The following PRKCQ variants were observed in gnomAD, a reference collection of about 807,000 sequenced individuals.
The protein encoded by PRKCQ is protein kinase C theta type.
A neutral mutation model predicts 91.2 loss-of-function variants in PRKCQ; 41 were observed. The observed-to-expected ratio is 0.45, with a 90% CI of 0.35 to 0.58. PRKCQ has a LOEUF of 0.58. PRKCQ is among the 20% of genes least tolerant of loss of function. The pLI is 0.00. For synonymous variants in PRKCQ, 307 were observed against 316.9 expected, an observed-to-expected ratio of 0.97 and a Z score of 0.33; for missense variants, 673 against 896.5, an observed-to-expected ratio of 0.75 and a Z score of 3.18.
chr10:6,511,314 G>A, intron 2 of PRKCQ, 120 bp from the exon 3 acceptor site: 3 of 904,522 alleles, frequency 3.3e-6, no homozygotes, highest in Non-Finnish European at 5.2e-6. Context: ...CTGTTGGGAA[G>A]ACAAAAGTAG....
intron 1 of PRKCQ, among the ~76,000 whole-genome samples, chr10:6,564,183 C>G (rs1840745089): frequency 6.6e-6 from 1 of 152,144 alleles, no homozygotes. Context: ...TATGGAGTAA[C>G]CAAAGAGCTT....
the PRKCQ span, among the ~76,000 whole-genome samples, chr10:6,411,617 A>G: frequency 6.6e-5 from 10 of 152,222 alleles, no homozygotes; most frequent in Non-Finnish European, 8.8e-5. Context: ...TCATTGGGAC[A>G]CCCATTTGTT....
At chr10:6,426,734 T>C (rs1833133334), downstream of PRKCQ, among the ~76,000 whole-genome samples, 1 of 152,226 alleles carries the variant, frequency 6.6e-6, no homozygotes, top group Admixed American at 6.5e-5. Context: ...TCTAAAGTTA[T>C]TTCCAGCCAT....
intron 4 of PRKCQ, among the ~76,000 whole-genome samples, chr10:6,505,303 C>T (rs1838132476): frequency 6.6e-6 from 1 of 152,158 alleles, no homozygotes; most frequent in African/African-American, 2.4e-5. Context: ...ATTTAAGTTC[C>T]ACAGGAATAG....
At chr10:6,512,721 G>A (rs571350510) in intron 2 of PRKCQ, among the ~76,000 whole-genome samples, 2 of 152,200 alleles carry the variant, frequency 1.3e-5, no homozygotes, top group Non-Finnish European at 2.9e-5. Context: ...AAACAGAGCA[G>A]ACATTTAGCA....
chr10:6,518,066 G>C (rs763533916), intron 1 of PRKCQ, among the ~76,000 whole-genome samples: 1 of 152,340 alleles, frequency 6.6e-6, no homozygotes, highest in South Asian at 2.1e-4. Context: ...GGAGCAGCAT[G>C]AGCAAATTTT....
At chr10:6,438,824 G>A (rs1833823463) in intron 16 of PRKCQ, among the ~76,000 whole-genome samples, 1 of 151,998 alleles carries the variant, frequency 6.6e-6, no homozygotes, top group Non-Finnish European at 1.5e-5. Context: ...TTGAATTTCG[G>A]GCTGCTCAAG....
intron 8 of PRKCQ, among the ~76,000 whole-genome samples, chr10:6,486,991 G>GA (rs888876070): frequency 5.3e-5 from 8 of 151,158 alleles, no homozygotes; most frequent in African/African-American, 7.3e-5. Context: ...CCTCAGCTTT[G>GA]AAAAAAAAAT....
At chr10:6,514,425 G>T (rs561328454) in intron 2 of PRKCQ, among the ~76,000 whole-genome samples, 1 of 151,978 alleles carries the variant, frequency 6.6e-6, no homozygotes, top group East Asian at 1.9e-4. Context: ...CAGGACGTTG[G>T]GTGGCTGTCC....
Position 6,456,712 on chromosome 10 carries a change from T to C in PRKCQ, c.1609A>G (p.Asn537Asp), listed in dbSNP as rs758601583. The C allele has an allele frequency of 1.2e-6, 2 of 1,614,180 alleles. No homozygotes were observed. The highest frequency in any genetic ancestry group is 1.3e-5 in the African/African-American group (1 of 75,050). ...TAGTCAGGTGTCCCACAGAAGGTAT[T>C]CGTCTTGGCATCTCCTAACATGTTC... Reference protein sequence around the residue: ...KENMLGDAKTNTFCGTPDYIA... With the variant: ...KENMLGDAKTDTFCGTPDYIA... The change falls in exon 15 of 18, where the codon AAT (asparagine) becomes GAT (aspartate). Residue 537 changes from asparagine to aspartate, a missense_variant. Transcript: ENST00000263125.
At chr10:6,551,823 CG>C (rs1174308537) in intron 1 of PRKCQ, among the ~76,000 whole-genome samples, 5 of 152,204 alleles carry the variant, frequency 3.3e-5, no homozygotes, top group Non-Finnish European at 5.9e-5. Flanking sequence ...TCTATTCCTT[CG>C]GTTATGTACC....
In PRKCQ at chr10:6,428,289, CT is replaced by C; in HGVS notation, c.2038del (p.Arg680GlufsTer3). 1 of 1,614,196 alleles carries C rather than the reference CT, an allele frequency of 6.2e-7. No homozygotes were observed. Among genetic ancestry groups the C allele is most frequent in the Non-Finnish European group, 8.5e-7 (1 of 1,180,034 alleles). On this transcript the variant is annotated frameshift_variant, in exon 18 of 18. Coordinates refer to ENST00000263125, the MANE Select transcript of PRKCQ (RefSeq NM_006257.5). LOFTEE classifies it high-confidence loss of function. ...CTGGTCCATGCTGTTGATCAGTGCT[CT>C]GTCGGCAAATGACAGCCGGGGCTTC... Reference protein sequence around the residue: ...NEKPRLSFADRALINSMDQNM... With the variant: ...NEKPRLSFADXALINSMDQNM...
At chr10:6,556,239 G>A (rs1840408434) in intron 1 of PRKCQ, among the ~76,000 whole-genome samples, 1 of 152,038 alleles carries the variant, frequency 6.6e-6, no homozygotes, top group African/African-American at 2.4e-5. Flanking sequence ...AGACCAGCCT[G>A]GGCAACATAG....
intron 1 of PRKCQ, among the ~76,000 whole-genome samples, chr10:6,532,951 T>A (rs562100757): frequency 6.6e-6 from 1 of 152,302 alleles, no homozygotes; most frequent in East Asian, 1.9e-4. Context: ...TTTTTCATAT[T>A]CCCCCCTGAA....
At position 6,538,956 on chromosome 10, in the gene PRKCQ, G is replaced by A. The variant is rs546171476; in HGVS notation, c.-9-23812C>T. Reference sequence around the variant, plus strand: ...TTTTTTGTATTTTAGTAGAGATGGGGTTTTACCATGTTGCCCAGGCTGGTC... The same window carrying A: ...TTTTTTGTATTTTAGTAGAGATGGGATTTTACCATGTTGCCCAGGCTGGTC... On this transcript the variant is annotated intron_variant, in intron 1 of 17. Coordinates refer to ENST00000263125, the MANE Select transcript of PRKCQ (RefSeq NM_006257.5). Among the ~76,000 whole-genome samples, 5 of 152,206 alleles carry A rather than the reference G, an allele frequency of 3.3e-5. No homozygotes were observed. In the East Asian group the frequency reaches 9.7e-4, roughly 29 times the overall value.
chr10:6,402,235 A>G, the PRKCQ span, among the ~76,000 whole-genome samples: 1 of 152,130 alleles, frequency 6.6e-6, no homozygotes, highest in African/African-American at 2.4e-5. Flanking sequence ...CATTAGGAGA[A>G]ATACCTAATG....
At position 6,576,483 on chromosome 10, in the gene PRKCQ, C is replaced by G. The variant is rs1841241626; in HGVS notation, c.-10+3728G>C. 2.6e-5 allele frequency among the ~76,000 whole-genome samples: 4 copies of G among 152,238 alleles called. No individual in the cohort carries two copies. In the South Asian group the frequency reaches 8.3e-4, roughly 32 times the overall value. On this transcript the variant is annotated intron_variant, in intron 1 of 17. Coordinates refer to ENST00000263125, the MANE Select transcript of PRKCQ (RefSeq NM_006257.5). The surrounding 1 kb of genome is among the most constrained non-coding windows in gnomAD (Gnocchi z 4.2). ...ATACTGTATTCTGCTTCTGTGAGGT[C>G]CCTAGAGCAGTCAGAATCTTAGAGA...
chr10:6,447,427 C>A (rs567641247), intron 15 of PRKCQ, among the ~76,000 whole-genome samples: 33 of 143,292 alleles, frequency 2.3e-4, no homozygotes, highest in Admixed American at 2.3e-3. Flanking sequence ...AAAAAAAGTA[C>A]GATATTTCCC....
At chr10:6,517,605 T>C (rs1356047461) in intron 1 of PRKCQ, among the ~76,000 whole-genome samples, 2 of 144,396 alleles carry the variant, frequency 1.4e-5, no homozygotes, top group Non-Finnish European at 3.0e-5. Context: ...TTTTTTTTTT[T>C]TTTTTTTTTT....
Sources: allele counts gnomAD v4.1 joint callset (sites outside exome capture counted in the v4.1 genomes callset), GRCh38; gene constraint gnomAD v4.1.1; non-coding constraint Gnocchi (gnomAD v3.1); transcripts MANE v1.5; gene names NCBI Gene and HGNC (gene_info 2026-07-23, HGNC 2026-07-21).